Variants in PRKAR1B observed in about 807,000 individuals in gnomAD.
The protein encoded by PRKAR1B is protein kinase cAMP-dependent type I regulatory subunit beta.
A neutral mutation model predicts 46.5 loss-of-function variants in PRKAR1B; 22 were observed. The ratio of observed to expected loss-of-function variants is 0.47; its 90% CI spans 0.34 to 0.68. The LOEUF (loss-of-function observed/expected upper bound fraction) is 0.68, where lower values mean the gene tolerates loss of function less well. Among genes scored for constraint, PRKAR1B ranks in the 30% least tolerant of loss-of-function variants. The pLI, the probability that PRKAR1B is intolerant of heterozygous loss-of-function variation, is 0.01. For synonymous variants in PRKAR1B, 259 were observed against 217.7 expected (o/e 1.19, Z -1.67); for missense variants, 445 against 535.6 (o/e 0.83, Z 1.67).
At chr7:585,138 T>G (rs956715579) in intron 7 of PRKAR1B, among the ~76,000 whole-genome samples, 6 of 152,322 alleles carry the variant, frequency 3.9e-5, no homozygotes, top group African/African-American at 1.2e-4. Flanking sequence ...TTATGTGAAT[T>G]AGAAATTAGA....
At chr7:699,994 G>A (rs901511895) in intron 2 of PRKAR1B, among the ~76,000 whole-genome samples, 4 of 152,274 alleles carry the variant, frequency 2.6e-5, no homozygotes, top group South Asian at 4.2e-4. Context: ...GGGAAGGGGC[G>A]GCAGGGAGAG....
rs540793222 is a variant in PRKAR1B, at chr7:715,007, G to A, written c.-22-3480C>T. Among the ~76,000 whole-genome samples, 8 of 152,160 alleles carry A rather than the reference G, an allele frequency of 5.3e-5. No homozygotes were observed. In the South Asian group the frequency reaches 1.2e-3, roughly 24 times the overall value. ...TCAAGACCAGCCTGGGCAACATAGC[G>A]AAACCCTGTCTCGACTAGAAATACA... is the stretch of plus-strand genomic sequence containing the variant. On this transcript the variant is annotated intron_variant, in intron 1 of 10. Transcript: ENST00000537384.
rs757023915 is a variant in PRKAR1B at position 701,342 on chromosome 7, A to T, written c.177+9987T>A. ...AAAAGAAAGAGAAGAAAAGAAAAGA[A>T]AAAGAAAGAAAGAAAGAGATTTAAC... On this transcript the variant is annotated intron_variant, in intron 2 of 10. Transcript: ENST00000537384. Among the ~76,000 whole-genome samples the T allele has an allele frequency of 4.3e-4, 53 of 123,752 alleles. 1 individual carries two copies. Among genetic ancestry groups the T allele is most frequent in the Non-Finnish European group, 1.8e-4 (9 of 49,074 alleles). The allele number at this position is 123,752 out of a possible 152,430, so 81.2% of individuals were successfully genotyped here.
At chr7:628,926 T>C (rs897111155) in intron 4 of PRKAR1B, among the ~76,000 whole-genome samples, 3 of 151,918 alleles carry the variant, frequency 2.0e-5, no homozygotes, top group African/African-American at 7.3e-5. Flanking sequence ...AGGTGCCTGC[T>C]CTGCAGCCCA....
intron 2 of PRKAR1B, chr7:696,852 T>A (rs73047922): frequency 0.14 from 20,896 of 152,414 alleles, 1,581 homozygotes; most frequent in Middle Eastern, 0.19. Context: ...CAGGAGGCCT[T>A]GGGAGAAAGG....
chr7:559,161 C>T (rs1386996159), intron 9 of PRKAR1B, among the ~76,000 whole-genome samples: 1 of 152,220 alleles, frequency 6.6e-6, no homozygotes, highest in Admixed American at 6.5e-5. Flanking sequence ...GACCAGGACT[C>T]GGCACCCAGA....
At chr7:685,008 C>T (rs1187471766) in intron 2 of PRKAR1B, among the ~76,000 whole-genome samples, 1 of 151,658 alleles carries the variant, frequency 6.6e-6, no homozygotes, top group Non-Finnish European at 1.5e-5. Flanking sequence ...TTACCATCTG[C>T]CATGAGTTGG....
chr7:691,271 G>A (rs896349852), intron 2 of PRKAR1B, among the ~76,000 whole-genome samples: 3 of 151,992 alleles, frequency 2.0e-5, no homozygotes, highest in Admixed American at 1.3e-4. Context: ...ACCCAAACTC[G>A]CCAGTGGAAA....
chr7:691,405 G>A (rs924965206), intron 2 of PRKAR1B: 3 of 986,372 alleles, frequency 3.0e-6, no homozygotes, highest in African/African-American at 1.7e-5. Context: ...CCCCTGCCTG[G>A]TCAGGAGGGG....
chr7:588,071 C>T (rs1780700691), intron 7 of PRKAR1B, among the ~76,000 whole-genome samples: 1 of 152,216 alleles, frequency 6.6e-6, no homozygotes, highest in Non-Finnish European at 1.5e-5. Flanking sequence ...GCGTGGCCCT[C>T]CCCACTCGCT....
At chr7:557,647 G>A (rs947812850) in intron 9 of PRKAR1B, among the ~76,000 whole-genome samples, 7 of 152,166 alleles carry the variant, frequency 4.6e-5, no homozygotes, top group Non-Finnish European at 8.8e-5. Flanking sequence ...ATGGGCGGCC[G>A]CCGCAACCAC....
At position 556,016 on chromosome 7, in the gene PRKAR1B, G is replaced by GC. The variant is rs565987970; in HGVS notation, c.892-4547dup. On this transcript the variant is annotated intron_variant, in intron 9 of 10. Transcript: ENST00000537384. The stretch of plus-strand genomic sequence containing the variant: ...CTCCTATGCTCATCCCAGCAGTGCG[G>GC]CCCCTCCGGGCCCCTGTCTCCCTCT... Among the ~76,000 whole-genome samples, 7 of 152,284 alleles carry GC rather than the reference G, an allele frequency of 4.6e-5. No homozygotes were observed. In the East Asian group the frequency reaches 1.2e-3, roughly 25 times the overall value.
At chr7:637,280 A>G (rs183666687) in intron 4 of PRKAR1B, among the ~76,000 whole-genome samples, 9 of 151,870 alleles carry the variant, frequency 5.9e-5, no homozygotes, top group Admixed American at 1.3e-4. Flanking sequence ...TTAGCTGGGC[A>G]TGGTGGCGCA....
chr7:720,629 A>G (rs1736034368), intron 1 of PRKAR1B, among the ~76,000 whole-genome samples: 1 of 152,172 alleles, frequency 6.6e-6, no homozygotes, highest in African/African-American at 2.4e-5. Flanking sequence ...TTTCAGCTCT[A>G]TCAGTTTCTG....
chr7:705,816 C>G (rs1300101724), intron 2 of PRKAR1B, among the ~76,000 whole-genome samples: 1 of 152,166 alleles, frequency 6.6e-6, no homozygotes, highest in African/African-American at 2.4e-5. Context: ...CACCTGAGGT[C>G]AGGAGTTCAA....
At chr7:566,647 G>C (rs1779178728) in intron 9 of PRKAR1B, among the ~76,000 whole-genome samples, 11 of 43,936 alleles carry the variant, frequency 2.5e-4, no homozygotes, top group Admixed American at 2.5e-4. Context: ...TCAGCACCTT[G>C]ATCACCATCA....
At chr7:623,342 TAAC>T (rs1783212032) in intron 4 of PRKAR1B, among the ~76,000 whole-genome samples, 1 of 152,194 alleles carries the variant, frequency 6.6e-6, no homozygotes. Context: ...AAACATGTGG[TAAC>T]AACAATTCTC....
chr7:698,955 G>C (rs1344748857), intron 2 of PRKAR1B, among the ~76,000 whole-genome samples: 2 of 152,344 alleles, frequency 1.3e-5, no homozygotes, highest in Non-Finnish European at 2.9e-5. Flanking sequence ...CTGGAGGGCA[G>C]CACCCCAGCT....
intron 4 of PRKAR1B, among the ~76,000 whole-genome samples, chr7:634,332 C>A (rs1365171668): frequency 1.3e-4 from 20 of 148,530 alleles, no homozygotes; most frequent in Non-Finnish European, 2.2e-4. Flanking sequence ...CAAAAAAAAA[C>A]ATTTTTCAAC....
Sources: allele counts gnomAD v4.1 joint callset (sites outside exome capture counted in the v4.1 genomes callset), GRCh38; gene constraint gnomAD v4.1.1; transcripts MANE v1.5; gene names NCBI Gene and HGNC (gene_info 2026-07-23, HGNC 2026-07-21).